Variants in KCNN2 observed in about 807,000 individuals in gnomAD.
KCNN2 encodes the protein small conductance calcium-activated potassium channel protein 2.
Under a neutral mutation model 55.5 loss-of-function variants are expected in KCNN2, and 24 were observed. That is an observed-to-expected ratio of 0.43 (90% CI 0.31 to 0.61). KCNN2 has a LOEUF of 0.61. Ranked by LOEUF, KCNN2 falls within the 20% of genes least tolerant of loss-of-function variation. The probability of loss-of-function intolerance (pLI) is 0.08; values close to 1 mark genes in which losing one functional copy is unlikely to be tolerated. For synonymous variants in KCNN2, 431 were observed against 336.1 expected, an observed-to-expected ratio of 1.28 and a Z score of -3.09; for missense variants, 754 against 853.6, an observed-to-expected ratio of 0.88 and a Z score of 1.45.
At chr5:114,078,238 G>A (rs1750725627) in intron 1 of KCNN2, among the ~76,000 whole-genome samples, 4 of 152,166 alleles carry the variant, frequency 2.6e-5, no homozygotes. Flanking sequence ...ATTGAGACTT[G>A]CATCAGTGAT....
chr5:114,390,736 C>A (rs1413647685), intron 2 of KCNN2, among the ~76,000 whole-genome samples: 2 of 152,116 alleles, frequency 1.3e-5, no homozygotes, highest in African/African-American at 4.8e-5. Flanking sequence ...TCTGTGATGT[C>A]AGTTCTGTTG....
intron 2 of KCNN2, among the ~76,000 whole-genome samples, chr5:114,386,924 A>G (rs1481100742): frequency 6.6e-6 from 1 of 152,160 alleles, no homozygotes; most frequent in African/African-American, 2.4e-5. Flanking sequence ...TACTGTCCTT[A>G]CTTTCTTCAT....
chr5:114,363,810 C>G (rs1561587990), intron 1 of KCNN2, 96 bp from the exon 2 acceptor site: 1 of 812,376 alleles, frequency 1.2e-6, no homozygotes. Context: ...TCTGTGAGTT[C>G]AGGTCCACCT....
chr5:114,255,136 A>C (rs576136106), intron 2 of KCNN2, among the ~76,000 whole-genome samples: 1 of 152,342 alleles, frequency 6.6e-6, no homozygotes, highest in South Asian at 2.1e-4. Context: ...AATATGTATA[A>C]GTTACGGTGA....
At chr5:114,399,918 G>GTT (rs573469798) in intron 2 of KCNN2, among the ~76,000 whole-genome samples, 13 of 129,540 alleles carry the variant, frequency 1.0e-4, no homozygotes, top group African/African-American at 2.1e-4. Context: ...GCCTTTGAGG[G>GTT]TTTTTTTTTT....
chr5:114,233,594 T>C (rs1046302223), intron 2 of KCNN2, among the ~76,000 whole-genome samples: 15 of 152,194 alleles, frequency 9.9e-5, no homozygotes, highest in African/African-American at 3.6e-4. Context: ...AACCGCTTTC[T>C]TTTTCCTGAA....
chr5:114,155,155 T>G (rs1752604515), intron 1 of KCNN2, among the ~76,000 whole-genome samples: 1 of 152,182 alleles, frequency 6.6e-6, no homozygotes, highest in Admixed American at 6.6e-5. Flanking sequence ...TTTCTGTTCC[T>G]GTGTTATTTC....
At chr5:114,082,289 A>C (rs1023600137) in intron 1 of KCNN2, among the ~76,000 whole-genome samples, 1 of 151,204 alleles carries the variant, frequency 6.6e-6, no homozygotes, top group Non-Finnish European at 1.5e-5. Flanking sequence ...GTGCCACTAC[A>C]CTCCAGCCTG....
intron 2 of KCNN2, among the ~76,000 whole-genome samples, chr5:114,288,491 T>TACAC (rs1193889889): frequency 1.4e-4 from 3 of 21,432 alleles, no homozygotes; most frequent in South Asian, 3.0e-3. Context: ...TTACTTTATA[T>TACAC]ATATATATAC....
At chr5:114,461,910 G>A (rs527528621) in intron 3 of KCNN2, among the ~76,000 whole-genome samples, 20 of 152,122 alleles carry the variant, frequency 1.3e-4, no homozygotes, top group Non-Finnish European at 2.6e-4. Flanking sequence ...TGAGTACCGC[G>A]CAATTATCAG....
chr5:114,481,815 G>A (rs1762241426), intron 5 of KCNN2, among the ~76,000 whole-genome samples: 1 of 152,174 alleles, frequency 6.6e-6, no homozygotes. Flanking sequence ...ATGATGCTGG[G>A]AGATCTGGCT....
intron 3 of KCNN2, among the ~76,000 whole-genome samples, chr5:114,457,088 A>G (rs570516917): frequency 6.6e-6 from 1 of 152,320 alleles, no homozygotes; most frequent in South Asian, 2.1e-4. Flanking sequence ...AAATGCTATC[A>G]TATAGCATCA....
chr5:114,108,498 A>G (rs1178677944), intron 1 of KCNN2, among the ~76,000 whole-genome samples: 1 of 152,096 alleles, frequency 6.6e-6, no homozygotes, highest in Non-Finnish European at 1.5e-5. Flanking sequence ...TATTTTCATT[A>G]CTAAGAAATT....
chr5:114,386,881 C>G (rs1043593617), intron 2 of KCNN2, among the ~76,000 whole-genome samples: 1 of 152,166 alleles, frequency 6.6e-6, no homozygotes, highest in East Asian at 1.9e-4. Context: ...TGATGGAGAA[C>G]GCTCCTTAAG....
chr5:114,325,155 C>A (rs993210756), intron 2 of KCNN2, among the ~76,000 whole-genome samples: 2 of 152,034 alleles, frequency 1.3e-5, no homozygotes, highest in Non-Finnish European at 2.9e-5. Context: ...GAAGGTACAG[C>A]TTTTTTTGTT....
At chr5:114,205,319 T>G (rs1483253415) in intron 1 of KCNN2, among the ~76,000 whole-genome samples, 1 of 152,240 alleles carries the variant, frequency 6.6e-6, no homozygotes, top group East Asian at 1.9e-4. Flanking sequence ...TGGGCTACTT[T>G]ACAGTGGATT....
At chr5:114,468,635 C>T (rs1032873236) in intron 4 of KCNN2, among the ~76,000 whole-genome samples, 1 of 152,044 alleles carries the variant, frequency 6.6e-6, no homozygotes, top group Non-Finnish European at 1.5e-5. Context: ...ATACTTTAAG[C>T]CTAGAATATT....
chr5:114,127,367 A>T lies in KCNN2; in HGVS notation c.-271+70867A>T, dbSNP rs562489932. 5.6e-4 allele frequency among the ~76,000 whole-genome samples: 85 copies of T among 152,282 alleles called. 1 individual carries two copies. In the South Asian group the frequency reaches 0.015, roughly 27 times the overall value. On this transcript the variant is annotated intron_variant, in intron 1 of 10. Coordinates refer to the KCNN2 transcript ENST00000512097. ...GAGAAATCTAAGTGGAGGTTCCCCAACGTCAGTGCTTGACTTTTGTATACC... is the reference window on the plus strand; with the variant it reads ...GAGAAATCTAAGTGGAGGTTCCCCATCGTCAGTGCTTGACTTTTGTATACC...
At chr5:114,226,463 A>C (rs1341885908) in intron 2 of KCNN2, among the ~76,000 whole-genome samples, 3 of 152,212 alleles carry the variant, frequency 2.0e-5, no homozygotes, top group Non-Finnish European at 4.4e-5. Context: ...TGTCATAACC[A>C]TCACTTGAGG....
Sources: allele counts gnomAD v4.1 joint callset (sites outside exome capture counted in the v4.1 genomes callset), GRCh38; gene constraint gnomAD v4.1.1; transcripts MANE v1.5; gene names NCBI Gene and HGNC (gene_info 2026-07-23, HGNC 2026-07-21).